The following MAPK14 variants were observed in gnomAD, a reference collection of about 807,000 sequenced individuals.
MAPK14 encodes mitogen-activated protein kinase 14.
MAPK14 carries 16 observed loss-of-function variants against 49.6 expected under a neutral mutation model. The ratio of observed to expected loss-of-function variants is 0.32; its 90% confidence interval spans 0.22 to 0.49. The LOEUF (loss-of-function observed/expected upper bound fraction) is 0.49, where lower values mean the gene tolerates loss of function less well. MAPK14 is among the 20% of genes least tolerant of loss of function. The pLI, the probability that MAPK14 is intolerant of heterozygous loss-of-function variation, is 0.99. For missense variants in MAPK14, 200 were observed against 441.2 expected, an observed-to-expected ratio of 0.45 and a Z score of 4.90; for synonymous variants, 142 against 158.0, an observed-to-expected ratio of 0.90 and a Z score of 0.76.
At chr6:36,064,270 G>GCCCCCCCCCCCCCCCCC (rs3045917) in intron 3 of MAPK14, among the ~76,000 whole-genome samples, 1 of 124,760 alleles carries the variant, frequency 8.0e-6, no homozygotes, top group Non-Finnish European at 1.7e-5. Context: ...GAGCCACCAT[G>GCCCCCCCCCCCCCCCCC]CCCCCCCCCA....
intron 8 of MAPK14, among the ~76,000 whole-genome samples, chr6:36,085,515 T>C (rs904142517): frequency 6.6e-6 from 1 of 152,138 alleles, no homozygotes; most frequent in African/African-American, 2.4e-5. Context: ...AAGCAGGGGT[T>C]GCAATCCTAT....
intron 3 of MAPK14, among the ~76,000 whole-genome samples, chr6:36,071,297 C>T (rs1764263614): frequency 6.6e-6 from 1 of 151,650 alleles, no homozygotes; most frequent in Admixed American, 6.6e-5. Context: ...TGTGCCACTG[C>T]ACTCCAGCCT....
chr6:36,059,436 G>A (rs1763718595), intron 3 of MAPK14, 89 bp downstream of exon 3: 4 of 948,330 alleles, frequency 4.2e-6, no homozygotes, highest in Admixed American at 2.0e-5. Flanking sequence ...GCAACATATA[G>A]ACTTCAAAAA....
At chr6:36,120,515 A>T in the MAPK14 span, among the ~76,000 whole-genome samples, 1 of 150,200 alleles carries the variant, frequency 6.7e-6, no homozygotes, top group South Asian at 2.1e-4. Context: ...CTCTTCCCCC[A>T]CCACCACCGC....
At chr6:36,090,466 A>G (rs1765176855) in intron 8 of MAPK14, among the ~76,000 whole-genome samples, 1 of 151,072 alleles carries the variant, frequency 6.6e-6, no homozygotes, top group Non-Finnish European at 1.5e-5. Context: ...GCCTTGGCCT[A>G]CCAAAATGTT....
chr6:36,084,156 C>T (rs1764880467), intron 8 of MAPK14, among the ~76,000 whole-genome samples: 1 of 152,204 alleles, frequency 6.6e-6, no homozygotes, highest in Non-Finnish European at 1.5e-5. Context: ...GCAACAACAA[C>T]ATCAACAAAA....
intron 9 of MAPK14, among the ~76,000 whole-genome samples, chr6:36,099,514 A>G (rs1452933358): frequency 1.3e-5 from 2 of 152,218 alleles, no homozygotes; most frequent in Non-Finnish European, 2.9e-5. Flanking sequence ...TGTGGAGGAA[A>G]TCATGTGGCA....
chr6:36,028,330 G>A lies in MAPK14; in HGVS notation c.116+57G>A. Reference sequence around the variant, plus strand: ...GCAGGGTGGCCCCTCGCGCCCGAGGGCCAGGCCTGCTCCACTGCTCAGCGT... The same window carrying A: ...GCAGGGTGGCCCCTCGCGCCCGAGGACCAGGCCTGCTCCACTGCTCAGCGT... On this transcript the variant is annotated intron_variant, in intron 1 of 11. Transcript: ENST00000229794. This position sits in a 1 kb window ranked among gnomAD's most constrained non-coding sequence, Gnocchi z 5.1. 1 of 1,224,794 alleles carries A rather than the reference G, an allele frequency of 8.2e-7. No individual in the cohort carries two copies. The highest frequency in any genetic ancestry group is 1.2e-6 in the Non-Finnish European group (1 of 829,648). 75.9% of individuals were successfully genotyped at this position (1,224,794 alleles called of 1,614,324 possible).
intron 8 of MAPK14, among the ~76,000 whole-genome samples, chr6:36,093,452 G>T (rs1765320109): frequency 6.6e-6 from 1 of 152,158 alleles, no homozygotes; most frequent in Non-Finnish European, 1.5e-5. Flanking sequence ...AGGCACGGTG[G>T]CTCACGCCTG....
chr6:36,072,554 C>T (rs1438052323), intron 3 of MAPK14, among the ~76,000 whole-genome samples: 1 of 151,886 alleles, frequency 6.6e-6, no homozygotes, highest in Non-Finnish European at 1.5e-5. Flanking sequence ...ATCATGAGGT[C>T]AGGAGATCAA....
At chr6:36,092,829 A>G (rs905800257) in intron 8 of MAPK14, among the ~76,000 whole-genome samples, 1 of 152,172 alleles carries the variant, frequency 6.6e-6, no homozygotes, top group Non-Finnish European at 1.5e-5. Context: ...CATCTTTTCA[A>G]GTCAACTAGT....
chr6:36,090,662 G>T (rs1400193563), intron 8 of MAPK14, among the ~76,000 whole-genome samples: 2 of 152,058 alleles, frequency 1.3e-5, no homozygotes, highest in African/African-American at 2.4e-5. Context: ...GAGTAGCTGG[G>T]ATTACAGGTG....
chr6:36,063,302 T>C (rs892841106), intron 3 of MAPK14, among the ~76,000 whole-genome samples: 2 of 152,176 alleles, frequency 1.3e-5, no homozygotes, highest in South Asian at 4.1e-4. Context: ...AATATGGTAC[T>C]GTAGGCCAGG....
intron 2 of MAPK14, among the ~76,000 whole-genome samples, chr6:36,057,629 G>T (rs1288999778): frequency 6.6e-6 from 1 of 152,016 alleles, no homozygotes; most frequent in Non-Finnish European, 1.5e-5. Flanking sequence ...TGAGGCAGGA[G>T]AATCACTTAT....
chr6:36,028,154 G>A lies in MAPK14; in HGVS notation c.-4G>A. On this transcript the variant is annotated 5_prime_UTR_variant, in exon 1 of 12. Coordinates refer to ENST00000229794, the MANE Select transcript of MAPK14 (RefSeq NM_139012.3). This position sits in a 1 kb window ranked among gnomAD's most constrained non-coding sequence, Gnocchi z 5.1. The stretch of plus-strand genomic sequence containing the variant: ...CCTTCTTGCCCGGCGGCTGCCGCTG[G>A]AAAATGTCTCAGGAGAGGCCCACGT... 1.2e-6 allele frequency: 2 copies of A among 1,609,774 alleles called. No homozygotes were observed. The highest frequency in any genetic ancestry group is 1.7e-6 in the Non-Finnish European group (2 of 1,176,812).
At chr6:36,055,913 A>G (rs1763573965) in intron 2 of MAPK14, among the ~76,000 whole-genome samples, 1 of 152,116 alleles carries the variant, frequency 6.6e-6, no homozygotes, top group African/African-American at 2.4e-5. Flanking sequence ...GGAGTGAGGG[A>G]TATTTTGTAA....
intron 6 of MAPK14, 84 bp from the exon 7 acceptor site, chr6:36,075,764 T>G: frequency 6.3e-7 from 1 of 1,582,906 alleles, no homozygotes; most frequent in Non-Finnish European, 8.6e-7. Context: ...GCAACAGAGG[T>G]TTGTTTGTTG....
chr6:36,123,090 AGAAG>A, the MAPK14 span, among the ~76,000 whole-genome samples: 2 of 151,894 alleles, frequency 1.3e-5, no homozygotes, highest in Non-Finnish European at 2.9e-5. Flanking sequence ...AGGCTTGGAA[AGAAG>A]GAAGGGAGGG....
At chr6:36,118,518 TGACA>T in the MAPK14 span, among the ~76,000 whole-genome samples, 16 of 152,000 alleles carry the variant, frequency 1.1e-4, no homozygotes, top group Admixed American at 9.2e-4. Flanking sequence ...GGCACTCAAC[TGACA>T]GACAACAGGA....
Sources: gnomAD v4.1 joint callset for allele counts (sites outside exome capture counted in the v4.1 genomes callset) on GRCh38, gnomAD v4.1.1 for gene constraint, Gnocchi (gnomAD v3.1) non-coding constraint, MANE v1.5 for transcripts, NCBI Gene and HGNC (gene_info 2026-07-23, HGNC 2026-07-21) for gene names.